ARHGAP24: variants seen among roughly 807,000 people sequenced by gnomAD.
ARHGAP24 encodes Rho GTPase activating protein 24.
In ARHGAP24, 50 loss-of-function variants were observed where a neutral mutation model predicts 76.4. That is an observed-to-expected ratio of 0.65 (90% CI 0.52 to 0.83). ARHGAP24 has a LOEUF of 0.83. Ranked by LOEUF, ARHGAP24 falls within the 40% of genes least tolerant of loss-of-function variation. ARHGAP24 has a pLI of 0.00. For missense variants in ARHGAP24, 930 were observed against 914.2 expected (o/e 1.02, Z -0.22); for synonymous variants, 345 against 323.3 (o/e 1.07, Z -0.72).
rs143928362 is a variant in ARHGAP24 at position 85,728,232 on chromosome 4, C to CAA, written c.268+6280_268+6281dup. 3.8e-3 allele frequency among the ~76,000 whole-genome samples: 344 copies of CAA among 90,434 alleles called. 2 individuals are homozygous for CAA. The highest frequency in any genetic ancestry group is 0.011 in the African/African-American group (284 of 26,562). The allele number at this position is 90,434 out of a possible 152,430, so 59.3% of individuals were successfully genotyped here. A position where few individuals can be genotyped will look rare whatever the true frequency, so the allele number is the denominator to read the frequency against. On this transcript the variant is annotated intron_variant, in intron 3 of 9. Transcript: ENST00000395184. ...CTAATAAATGCATTGATCCTTTTGCCAAAAAAAAAAAAAAAAAAAAAGGCA... is the reference window on the plus strand; with the variant it reads ...CTAATAAATGCATTGATCCTTTTGCCAAAAAAAAAAAAAAAAAAAAAAAGGCA...
Position 86,001,160 on chromosome 4 carries a change from A to C in ARHGAP24, c.*438A>C. 2.6e-6 allele frequency: 1 copy of C among 391,806 alleles called. No individual in the cohort carries two copies. 24.3% of individuals were successfully genotyped at this position (391,806 alleles called of 1,614,324 possible). A position where few individuals can be genotyped will look rare whatever the true frequency, so the allele number is the denominator to read the frequency against. On this transcript the variant is annotated 3_prime_UTR_variant, in exon 10 of 10. Transcript: ENST00000395184. ...TTTTATTTCCCTTTTTTGCTGAGGA[A>C]ATGAAGATAAGCAAAAATATAAATA...
intron 3 of ARHGAP24, among the ~76,000 whole-genome samples, chr4:85,848,581 C>T (rs565694198): frequency 7.2e-5 from 11 of 152,204 alleles, no homozygotes; most frequent in Admixed American, 2.0e-4. Context: ...TCCAGTCTAT[C>T]GTTGGACATT....
chr4:85,938,976 C>G (rs1276137037), intron 4 of ARHGAP24, among the ~76,000 whole-genome samples: 1 of 152,192 alleles, frequency 6.6e-6, no homozygotes, highest in Non-Finnish European at 1.5e-5. Flanking sequence ...ATTGTGCATA[C>G]TACACAGTAT....
chr4:85,498,901 A>T (rs1249545216), intron 1 of ARHGAP24, among the ~76,000 whole-genome samples: 2 of 152,238 alleles, frequency 1.3e-5, no homozygotes, highest in African/African-American at 2.4e-5. Context: ...TTGAGAACTT[A>T]TTATTTTCAA....
At chr4:85,748,089 A>G (rs1367998603) in intron 3 of ARHGAP24, among the ~76,000 whole-genome samples, 4 of 152,250 alleles carry the variant, frequency 2.6e-5, no homozygotes, top group African/African-American at 4.8e-5. Context: ...GGTTCCCTGT[A>G]AGGCAGGCAC....
Position 86,001,566 on chromosome 4 carries a change from TG to T in ARHGAP24, c.*846del. 2.5e-6 allele frequency: 1 copy of T among 397,108 alleles called. No individual in the cohort carries two copies. The highest frequency in any genetic ancestry group is 4.4e-6 in the Non-Finnish European group (1 of 225,580). 24.6% of individuals were successfully genotyped at this position (397,108 alleles called of 1,614,324 possible). ...CTCTGGACCGAATCTCTTTAACTGC[TG>T]GATAGTTTTAGAGGAATTCTCCTGC... On this transcript the variant is annotated 3_prime_UTR_variant, in exon 10 of 10. Coordinates refer to ENST00000395184, the MANE Select transcript of ARHGAP24 (RefSeq NM_001025616.3).
chr4:85,549,632 G>A (rs1358306407), intron 1 of ARHGAP24, among the ~76,000 whole-genome samples: 4 of 152,062 alleles, frequency 2.6e-5, no homozygotes, highest in Non-Finnish European at 5.9e-5. Context: ...TCAGGTTCAT[G>A]TGTAAATGTG....
At chr4:85,974,784 C>A in intron 6 of ARHGAP24, 104 bp from the exon 7 acceptor site, 1 of 976,412 alleles carries the variant, frequency 1.0e-6, no homozygotes, top group Non-Finnish European at 1.6e-6. Flanking sequence ...TCACTGATAA[C>A]ATGTGAAACT....
intron 9 of ARHGAP24, among the ~76,000 whole-genome samples, chr4:85,999,088 T>C (rs887635062): frequency 1.3e-5 from 2 of 152,258 alleles, no homozygotes; most frequent in South Asian, 4.1e-4. Context: ...GTATTCAACT[T>C]AGTCCTTTTC....
At chr4:85,680,146 T>C (rs1381351386) in intron 2 of ARHGAP24, among the ~76,000 whole-genome samples, 1 of 152,188 alleles carries the variant, frequency 6.6e-6, no homozygotes, top group Non-Finnish European at 1.5e-5. Flanking sequence ...TCATCTCTAA[T>C]ATTATGAATC....
At chr4:85,519,612 T>C (rs986521692) in intron 1 of ARHGAP24, among the ~76,000 whole-genome samples, 6 of 152,184 alleles carry the variant, frequency 3.9e-5, no homozygotes, top group African/African-American at 1.4e-4. Flanking sequence ...TAAAGTCCAC[T>C]ATGTTAATTG....
chr4:85,995,889 G>A lies in ARHGAP24; in HGVS notation c.2003+232G>A, dbSNP rs77807692. Among the ~76,000 whole-genome samples the A allele has an allele frequency of 9.7e-3, 1,473 of 152,256 alleles. 35 individuals are homozygous for A. Among genetic ancestry groups the A allele is most frequent in the African/African-American group, 0.034 (1,392 of 41,552 alleles). On this transcript the variant is annotated intron_variant, in intron 9 of 9. Transcript: ENST00000395184. ...TAGTATCTACCTCAAAAGCACATAA[G>A]AAGTGATTGAACATTTCCCTGGTAC...
Position 85,994,584 on chromosome 4 carries a change from C to G in ARHGAP24, c.930C>G (p.Gly310=), listed in dbSNP as rs1215849996. ...KVEDPLTIME[G]TVVVQQLMSV... is the part of the protein sequence containing the mutation. ...ACTTTATGTTCTATGCAATTCTAGGCACTGTGGTGGTCCAGCAGTTGATGT... is the reference window on the plus strand; with the variant it reads ...ACTTTATGTTCTATGCAATTCTAGGGACTGTGGTGGTCCAGCAGTTGATGT... Residue 310 remains glycine (G), a splice_region_variant and synonymous_variant, in exon 9 of 10, where the codon GGC becomes GGG. Coordinates refer to ENST00000395184, the MANE Select transcript of ARHGAP24 (RefSeq NM_001025616.3). The G allele has an allele frequency of 6.2e-7, 1 of 1,613,152 alleles. No homozygotes were observed. Among genetic ancestry groups the G allele is most frequent in the Non-Finnish European group, 8.5e-7 (1 of 1,179,234 alleles).
intron 1 of ARHGAP24, among the ~76,000 whole-genome samples, chr4:85,509,177 A>G (rs549269916): frequency 1.6e-5 from 2 of 124,158 alleles, no homozygotes; most frequent in East Asian, 5.1e-4. Flanking sequence ...GGGGAACATC[A>G]CACTCTGGGG....
chr4:85,722,081 T>C, intron 3 of ARHGAP24, 109 bp downstream of exon 3: 1 of 1,025,234 alleles, frequency 9.8e-7, no homozygotes, highest in Non-Finnish European at 1.5e-6. Flanking sequence ...AGAACCTTAA[T>C]TTGAGGCTTG....
intron 6 of ARHGAP24, 189 bp downstream of exon 6, chr4:85,972,357 A>G (rs1739037457): frequency 2.9e-6 from 2 of 686,044 alleles, no homozygotes; most frequent in South Asian, 3.8e-5. Context: ...TCTCTGATCA[A>G]AAAAAAAGAA....
chr4:85,875,098 ATATAT>A lies in ARHGAP24; in HGVS notation c.269-48539_269-48535del, dbSNP rs1210551083. On this transcript the variant is annotated intron_variant, in intron 3 of 9. Transcript: ENST00000395184. ...ATATTATATATAATATATTTATCTT[ATATAT>A]TATATTATATATAATATATTTATCT... 2.4e-3 allele frequency among the ~76,000 whole-genome samples: 189 copies of A among 77,430 alleles called. 35 individuals are homozygous for A. The highest frequency in any genetic ancestry group is 9.9e-3 in the African/African-American group (184 of 18,526). 50.8% of individuals were successfully genotyped at this position (77,430 alleles called of 152,430 possible). A position where few individuals can be genotyped will look rare whatever the true frequency, so the allele number is the denominator to read the frequency against.
chr4:85,562,659 C>T (rs535837973), intron 1 of ARHGAP24, among the ~76,000 whole-genome samples: 2 of 152,272 alleles, frequency 1.3e-5, no homozygotes, highest in East Asian at 3.9e-4. Context: ...ATAGTATCCT[C>T]CTACCACACT....
intron 1 of ARHGAP24, among the ~76,000 whole-genome samples, chr4:85,568,800 A>G (rs1247200571): frequency 6.6e-6 from 1 of 152,258 alleles, no homozygotes; most frequent in Non-Finnish European, 1.5e-5. Context: ...TGAATGAGAC[A>G]GAAAATAGTC....
Sources: gnomAD v4.1 joint callset for allele counts (sites outside exome capture counted in the v4.1 genomes callset) on GRCh38, gnomAD v4.1.1 for gene constraint, MANE v1.5 for transcripts, NCBI Gene and HGNC (gene_info 2026-07-23, HGNC 2026-07-21) for gene names.